Variants in OR51B5 observed in about 807,000 individuals in gnomAD.
OR51B5 encodes the protein olfactory receptor family 51 subfamily B member 5.
For missense variants in OR51B5, 456 were observed against 374.6 expected, an observed-to-expected ratio of 1.22 and a Z score of -1.79; for synonymous variants, 186 against 144.8, an observed-to-expected ratio of 1.28 and a Z score of -2.04.
chr11:5,432,234 C>A (rs1850544696), intron 1 of OR51B5, among the ~76,000 whole-genome samples: 1 of 152,140 alleles, frequency 6.6e-6, no homozygotes, highest in Admixed American at 6.6e-5. Flanking sequence ...ATGATATCAA[C>A]TTTTTTAGCT....
At chr11:5,497,403 C>T (rs1357541479) in intron 1 of OR51B5, among the ~76,000 whole-genome samples, 1 of 152,140 alleles carries the variant, frequency 6.6e-6, no homozygotes, top group Non-Finnish European at 1.5e-5. Flanking sequence ...CAGAGCAAGA[C>T]TCCGTCTCAA....
At chr11:5,378,905 G>A (rs544796577) in intron 1 of OR51B5, among the ~76,000 whole-genome samples, 29 of 150,982 alleles carry the variant, frequency 1.9e-4, no homozygotes, top group Admixed American at 5.3e-4. Flanking sequence ...TCAGTGTGGC[G>A]ATTCCTCAGG....
chr11:5,380,187 G>C (rs117950350), intron 1 of OR51B5, among the ~76,000 whole-genome samples: 9 of 152,134 alleles, frequency 5.9e-5, no homozygotes, highest in African/African-American at 2.2e-4. Flanking sequence ...AGGATGTTAC[G>C]AAAGAAGGCG....
intron 1 of OR51B5, chr11:5,402,849 T>A (rs1224592613): frequency 2.1e-6 from 1 of 471,510 alleles, no homozygotes; most frequent in South Asian, 1.5e-5. Flanking sequence ...GCCTACAGTG[T>A]TAGGCATATT....
At chr11:5,468,443 A>G (rs973776030) in intron 1 of OR51B5, 21 of 327,746 alleles carry the variant, frequency 6.4e-5, no homozygotes, top group African/African-American at 3.9e-4. Context: ...AACATCAGCA[A>G]CAACAAAGAA....
At chr11:5,398,522 A>T (rs1346754588) in intron 1 of OR51B5, among the ~76,000 whole-genome samples, 1 of 152,178 alleles carries the variant, frequency 6.6e-6, no homozygotes, top group African/African-American at 2.4e-5. Context: ...ATCCCACCTG[A>T]GGCTCAGAGG....
intron 1 of OR51B5, among the ~76,000 whole-genome samples, chr11:5,478,963 C>A (rs1481966627): frequency 6.6e-6 from 1 of 151,742 alleles, no homozygotes; most frequent in Non-Finnish European, 1.5e-5. Flanking sequence ...GAGAACTTCC[C>A]CAATCTAGCA....
In OR51B5 at chr11:5,471,561, G is replaced by A. The variant is rs148535988; in HGVS notation, n.84+34008C>T. On this transcript the variant is annotated intron_variant and non_coding_transcript_variant, in intron 1 of 4. Coordinates refer to the OR51B5 transcript ENST00000415970. ...TGAGGCAGTAGAATCCCTTGAACTC[G>A]GGAAGTGGAGGTTGCAGTGAGCTGA... 7.3e-5 allele frequency among the ~76,000 whole-genome samples: 11 copies of A among 151,552 alleles called. No individual in the cohort carries two copies. In the East Asian group the frequency reaches 1.4e-3, roughly 19 times the overall value.
intron 1 of OR51B5, among the ~76,000 whole-genome samples, chr11:5,492,562 A>G (rs1851596338): frequency 2.6e-5 from 4 of 152,180 alleles, no homozygotes; most frequent in Non-Finnish European, 5.9e-5. Flanking sequence ...GCAAGACAAG[A>G]CACACTTTCT....
At chr11:5,464,572 T>C (rs1195535817) in intron 1 of OR51B5, among the ~76,000 whole-genome samples, 1 of 151,896 alleles carries the variant, frequency 6.6e-6, no homozygotes, top group Non-Finnish European at 1.5e-5. Context: ...TTACTGAGAA[T>C]GATGATTTCC....
chr11:5,410,252 A>G (rs574220414), intron 1 of OR51B5, among the ~76,000 whole-genome samples: 2 of 152,258 alleles, frequency 1.3e-5, no homozygotes, highest in South Asian at 2.1e-4. Context: ...AATAATACTC[A>G]TGTTGTATTG....
intron 1 of OR51B5, among the ~76,000 whole-genome samples, chr11:5,393,724 A>G (rs1909257): frequency 0.13 from 19,399 of 152,156 alleles, 1,360 homozygotes; most frequent in South Asian, 0.16. Flanking sequence ...TAATTTTCTC[A>G]CCAAACCTGT....
chr11:5,360,362 T>C (rs1324534399), intron 1 of OR51B5, among the ~76,000 whole-genome samples: 2 of 151,998 alleles, frequency 1.3e-5, no homozygotes, highest in Non-Finnish European at 2.9e-5. Context: ...AAAGAAGACA[T>C]TTATGCAGTC....
At chr11:5,440,683 T>G in intron 1 of OR51B5, 1 of 1,613,920 alleles carries the variant, frequency 6.2e-7, no homozygotes, top group South Asian at 1.1e-5. Flanking sequence ...ACATTGGACA[T>G]CATGACATGA....
intron 1 of OR51B5, among the ~76,000 whole-genome samples, chr11:5,367,601 T>C (rs1424632571): frequency 6.6e-6 from 1 of 152,150 alleles, no homozygotes; most frequent in African/African-American, 2.4e-5. Flanking sequence ...GCTTCTTTAC[T>C]GCAAACTGTT....
At chr11:5,398,946 C>T (rs1849924985) in intron 1 of OR51B5, among the ~76,000 whole-genome samples, 1 of 152,148 alleles carries the variant, frequency 6.6e-6, no homozygotes, top group Non-Finnish European at 1.5e-5. Flanking sequence ...CTAATACAAT[C>T]CCCAAGCCCT....
intron 1 of OR51B5, among the ~76,000 whole-genome samples, chr11:5,432,392 G>A (rs529681972): frequency 6.6e-6 from 1 of 152,282 alleles, no homozygotes; most frequent in South Asian, 2.1e-4. Flanking sequence ...GATGTGTGAT[G>A]TGTTCAACTT....
chr11:5,460,170 A>G (rs767449721), intron 1 of OR51B5, among the ~76,000 whole-genome samples: 19 of 152,216 alleles, frequency 1.2e-4, no homozygotes, highest in Admixed American at 5.2e-4. Flanking sequence ...GTTCTCACCT[A>G]TAAGTGGGAG....
At chr11:5,446,258 A>G (rs1850761741) in intron 1 of OR51B5, among the ~76,000 whole-genome samples, 1 of 152,154 alleles carries the variant, frequency 6.6e-6, no homozygotes, top group Admixed American at 6.5e-5. Flanking sequence ...TATAATAAAA[A>G]TACATACATA....
Sources: gnomAD v4.1 joint callset for allele counts (sites outside exome capture counted in the v4.1 genomes callset) on GRCh38, gnomAD v4.1.1 for gene constraint, MANE v1.5 for transcripts, NCBI Gene and HGNC (gene_info 2026-07-23, HGNC 2026-07-21) for gene names.